Variants in SEMA5A observed in about 807,000 individuals in gnomAD.
SEMA5A encodes the protein semaphorin-5A.
SEMA5A carries 55 observed loss-of-function variants against 135.5 expected under a neutral mutation model. The observed-to-expected ratio is 0.41, with a 90% CI of 0.33 to 0.51. SEMA5A has a LOEUF of 0.51. Among genes scored for constraint, SEMA5A ranks in the 20% least tolerant of loss-of-function variants. The pLI is 0.37. For missense variants in SEMA5A, 1,290 were observed against 1,419.9 expected (o/e 0.91, Z 1.47); for synonymous variants, 580 against 546.5 (o/e 1.06, Z -0.85).
rs59095588 is a variant in SEMA5A at position 9,073,949 on chromosome 5, TC to T, written c.2074-7304del. Among the ~76,000 whole-genome samples the T allele has an allele frequency of 3.3e-5, 5 of 152,248 alleles. No individual in the cohort carries two copies. In the East Asian group the frequency reaches 9.6e-4, roughly 29 times the overall value. On this transcript the variant is annotated intron_variant, in intron 16 of 22. Transcript: ENST00000382496. ...ATGAAAGGAAATGGAATCACTACAA[TC>T]CTAATTATAATTCCAGGAGGCATTT...
chr5:9,357,946 G>A (rs1457310263), intron 3 of SEMA5A, among the ~76,000 whole-genome samples: 5 of 152,234 alleles, frequency 3.3e-5, no homozygotes, highest in Non-Finnish European at 5.9e-5. Flanking sequence ...ATTATGATCA[G>A]TGCATTTTCC....
At chr5:9,293,865 A>T (rs960449164) in intron 5 of SEMA5A, among the ~76,000 whole-genome samples, 2 of 152,210 alleles carry the variant, frequency 1.3e-5, no homozygotes, top group African/African-American at 4.8e-5. Flanking sequence ...AATAAAAAAT[A>T]GTAATACTGT....
At chr5:9,397,173 A>C (rs2126550722) in intron 2 of SEMA5A, among the ~76,000 whole-genome samples, 1 of 152,210 alleles carries the variant, frequency 6.6e-6, no homozygotes, top group South Asian at 2.1e-4. Flanking sequence ...CTCTATGTAC[A>C]GCACATAAAC....
Position 9,492,045 on chromosome 5 carries a change from C to G in SEMA5A, c.-175+53539G>C, listed in dbSNP as rs147841944. 3.2e-3 allele frequency among the ~76,000 whole-genome samples: 495 copies of G among 152,314 alleles called. 3 individuals are homozygous for G. The highest frequency in any genetic ancestry group is 0.01 in the African/African-American group (424 of 41,574). ...ATCAGTTCATTTGGAAAGTTCATTC[C>G]TTCACCCAAAAGCTATTTATTAAAT... On this transcript the variant is annotated intron_variant, in intron 1 of 22. Coordinates refer to ENST00000382496, the MANE Select transcript of SEMA5A (RefSeq NM_003966.3).
At chr5:9,288,532 G>C (rs1047980710) in intron 5 of SEMA5A, among the ~76,000 whole-genome samples, 1 of 152,138 alleles carries the variant, frequency 6.6e-6, no homozygotes, top group Admixed American at 6.5e-5. Flanking sequence ...AGAAACAGAC[G>C]CTGGGAGGGG....
chr5:9,282,852 A>G (rs1750611515), intron 5 of SEMA5A, among the ~76,000 whole-genome samples: 1 of 152,130 alleles, frequency 6.6e-6, no homozygotes, highest in Admixed American at 6.5e-5. Flanking sequence ...GTTATGCTTC[A>G]TGGCAAGGGG....
At chr5:9,262,775 T>C (rs1306450124) in intron 5 of SEMA5A, among the ~76,000 whole-genome samples, 1 of 104,474 alleles carries the variant, frequency 9.6e-6, no homozygotes, top group Non-Finnish European at 1.9e-5. Context: ...AGGGATAGCA[T>C]TGGGAGATAT....
At position 9,154,492 on chromosome 5, in the gene SEMA5A, G is replaced by T. The variant is rs149803731; in HGVS notation, c.1477C>A (p.Arg493Ser). 6 of 1,611,788 alleles carry T rather than the reference G, an allele frequency of 3.7e-6. No homozygotes were observed. Among genetic ancestry groups the T allele is most frequent in the Non-Finnish European group, 4.2e-6 (5 of 1,179,796 alleles). ...PLKRCQFYRT[R>S]STCIGAQDPY... ...CTGACCCCGGAGATGCCCTACCTGC[G>T]TGTGCGGTAGAACTGGCACCTCTTC... Residue 493 changes from arginine to serine, a missense_variant, in exon 12 of 23, where the codon CGC (arginine) becomes AGC (serine). Coordinates refer to ENST00000382496, the MANE Select transcript of SEMA5A (RefSeq NM_003966.3).
At chr5:9,310,865 G>GCATATATAATATATATATTT (rs1752096269) in intron 5 of SEMA5A, among the ~76,000 whole-genome samples, 1 of 147,714 alleles carries the variant, frequency 6.8e-6, no homozygotes, top group Non-Finnish European at 1.5e-5. Flanking sequence ...TATATATATT[G>GCATATATAATATATATATTT]CATATATAAT....
At chr5:9,130,552 C>A (rs185751963) in intron 13 of SEMA5A, among the ~76,000 whole-genome samples, 11 of 152,308 alleles carry the variant, frequency 7.2e-5, no homozygotes, top group Admixed American at 3.9e-4. Flanking sequence ...TCTAATACCT[C>A]TGAGCCCCAC....
chr5:9,413,605 A>G (rs1299528231), intron 2 of SEMA5A, among the ~76,000 whole-genome samples: 1 of 152,250 alleles, frequency 6.6e-6, no homozygotes, highest in Non-Finnish European at 1.5e-5. Context: ...AAAAGGGCGT[A>G]GAAGAAGACA....
At chr5:9,441,318 G>C (rs139964060) in intron 1 of SEMA5A, among the ~76,000 whole-genome samples, 1 of 152,324 alleles carries the variant, frequency 6.6e-6, no homozygotes, top group African/African-American at 2.4e-5. Context: ...ATGAGGAGGA[G>C]ATAAGGAGGA....
intron 3 of SEMA5A, among the ~76,000 whole-genome samples, chr5:9,362,023 AAGC>A (rs1421415126): frequency 6.6e-6 from 1 of 152,158 alleles, no homozygotes; most frequent in African/African-American, 2.4e-5. Flanking sequence ...GGAACCTAGA[AAGC>A]AGGCTTGAGG....
intron 8 of SEMA5A, among the ~76,000 whole-genome samples, chr5:9,207,531 T>C (rs114697360): frequency 0.012 from 1,814 of 152,192 alleles, 32 homozygotes; most frequent in African/African-American, 0.039. Context: ...AAAAATAAGA[T>C]GAGTTAACGG....
At chr5:9,421,228 G>T (rs115450204) in intron 2 of SEMA5A, among the ~76,000 whole-genome samples, 1,806 of 152,246 alleles carry the variant, frequency 0.012, 31 homozygotes, top group African/African-American at 0.041. Context: ...GGGGATGGAG[G>T]TCATTTTACT....
At chr5:9,366,885 A>AT (rs1234016324) in intron 3 of SEMA5A, among the ~76,000 whole-genome samples, 3 of 152,206 alleles carry the variant, frequency 2.0e-5, no homozygotes, top group Non-Finnish European at 4.4e-5. Context: ...TGAGATGAAA[A>AT]TGGAACACAA....
intron 2 of SEMA5A, among the ~76,000 whole-genome samples, chr5:9,425,060 C>T (rs543441654): frequency 2.6e-5 from 4 of 152,290 alleles, no homozygotes; most frequent in South Asian, 2.1e-4. Flanking sequence ...TTTCATGTCC[C>T]GGCTTACAAA....
chr5:9,274,333 T>C (rs1161320226), intron 5 of SEMA5A, among the ~76,000 whole-genome samples: 1 of 152,110 alleles, frequency 6.6e-6, no homozygotes, highest in East Asian at 1.9e-4. Context: ...CCCAGATTCA[T>C]AAAGCAAGTT....
chr5:9,062,810 G>T, intron 18 of SEMA5A, 77 bp downstream of exon 18: 1 of 1,447,488 alleles, frequency 6.9e-7, no homozygotes, highest in Non-Finnish European at 9.7e-7. Context: ...AGGGAGCTGC[G>T]TGAGGCCTGG....
Sources: allele counts gnomAD v4.1 joint callset (sites outside exome capture counted in the v4.1 genomes callset), GRCh38; gene constraint gnomAD v4.1.1; transcripts MANE v1.5; gene names NCBI Gene and HGNC (gene_info 2026-07-23, HGNC 2026-07-21).